Variants in UBE2V2 observed in about 807,000 individuals in gnomAD.
UBE2V2 encodes the protein ubiquitin-conjugating enzyme E2 variant 2.
A neutral mutation model predicts 17.2 loss-of-function variants in UBE2V2; 9 were observed. The observed-to-expected ratio is 0.52, with a 90% CI of 0.32 to 0.91. UBE2V2 has a LOEUF of 0.91. Ranked by LOEUF, UBE2V2 falls within the 40% of genes least tolerant of loss-of-function variation. The pLI, the probability that UBE2V2 is intolerant of heterozygous loss-of-function variation, is 0.04. For synonymous variants in UBE2V2, 61 were observed against 57.5 expected (o/e 1.06, Z -0.28); for missense variants, 133 against 182.6 (o/e 0.73, Z 1.56).
intron 3 of UBE2V2, among the ~76,000 whole-genome samples, chr8:48,060,149 GCA>G (rs1480056827): frequency 1.4e-5 from 2 of 145,054 alleles, no homozygotes; most frequent in African/African-American, 5.2e-5. Context: ...GGCGGAAGTT[GCA>G]GTGAGCCAGG....
At chr8:48,020,463 T>C (rs2091297493) in intron 1 of UBE2V2, among the ~76,000 whole-genome samples, 1 of 152,210 alleles carries the variant, frequency 6.6e-6, no homozygotes, top group African/African-American at 2.4e-5. Flanking sequence ...AGTCACTCTA[T>C]GTCTTGATTA....
chr8:48,039,019 C>T (rs922090509), intron 1 of UBE2V2, among the ~76,000 whole-genome samples: 1 of 150,818 alleles, frequency 6.6e-6, no homozygotes, highest in Non-Finnish European at 1.5e-5. Context: ...ACCTCTGCCT[C>T]TTGGGTTCAT....
chr8:48,010,614 G>A (rs897898814), intron 1 of UBE2V2, among the ~76,000 whole-genome samples: 5 of 150,532 alleles, frequency 3.3e-5, no homozygotes, highest in African/African-American at 1.2e-4. Flanking sequence ...TATTGGCCAG[G>A]ATGGTCTTGA....
intron 1 of UBE2V2, among the ~76,000 whole-genome samples, chr8:48,028,617 C>T (rs148613325): frequency 0.01 from 1,549 of 151,378 alleles, 30 homozygotes; most frequent in African/African-American, 0.035. Flanking sequence ...GAATTACAGG[C>T]GTGAGCCACT....
intron 2 of UBE2V2, 182 bp downstream of exon 2, chr8:48,043,363 G>T (rs888255499): frequency 1.5e-5 from 7 of 461,540 alleles, no homozygotes; most frequent in Admixed American, 1.3e-4. Flanking sequence ...GTAGAGGATT[G>T]GGGGGAGGAA....
chr8:48,010,968 C>A (rs2091226393), intron 1 of UBE2V2, among the ~76,000 whole-genome samples: 1 of 145,950 alleles, frequency 6.9e-6, no homozygotes, highest in Non-Finnish European at 1.5e-5. Context: ...TGACCCCAGG[C>A]AATCCGCCCA....
chr8:48,024,543 C>T (rs1026558693), intron 1 of UBE2V2, among the ~76,000 whole-genome samples: 40 of 151,464 alleles, frequency 2.6e-4, no homozygotes, highest in African/African-American at 9.7e-4. Context: ...TGTGGTGAGC[C>T]GAGATCGCGC....
chr8:48,002,888 G>A, the UBE2V2 span, among the ~76,000 whole-genome samples: 135 of 151,882 alleles, frequency 8.9e-4, no homozygotes, highest in African/African-American at 2.7e-3. Context: ...TAATGTATAC[G>A]TATTTCAAAA....
At chr8:48,045,129 C>T in intron 2 of UBE2V2, among the ~76,000 whole-genome samples, 1 of 152,198 alleles carries the variant, frequency 6.6e-6, no homozygotes, top group Non-Finnish European at 1.5e-5. Flanking sequence ...TACTGTGGTC[C>T]TCCATTCCCT....
intron 3 of UBE2V2, among the ~76,000 whole-genome samples, chr8:48,054,820 A>G (rs535792364): frequency 6.6e-6 from 1 of 152,250 alleles, no homozygotes; most frequent in South Asian, 2.1e-4. Flanking sequence ...AGGTCATTGT[A>G]TGTTGTAGAC....
chr8:48,023,335 C>T (rs1435998791), intron 1 of UBE2V2, among the ~76,000 whole-genome samples: 1 of 151,914 alleles, frequency 6.6e-6, no homozygotes, highest in Non-Finnish European at 1.5e-5. Flanking sequence ...CCTGCCTCAG[C>T]CTCCTGAGTA....
rs913518188 is a variant in UBE2V2 at position 48,063,225 on chromosome 8, T to C, written c.*2397T>C. On this transcript the variant is annotated 3_prime_UTR_variant, in exon 4 of 4. Transcript: ENST00000523111. ...ATTTCCCCTCTTGTTTGTGGGATTA[T>C]GGATCTCTGCAGAAATCTGCATGCC... is the stretch of plus-strand genomic sequence containing the variant. The C allele has an allele frequency of 1.3e-5, 2 of 152,272 alleles. No individual in the cohort carries two copies. The highest frequency in any genetic ancestry group is 4.8e-5 in the African/African-American group (2 of 41,474). 9.4% of individuals were successfully genotyped at this position (152,272 alleles called of 1,614,324 possible).
intron 1 of UBE2V2, among the ~76,000 whole-genome samples, chr8:48,039,706 T>G (rs548756689): frequency 6.6e-6 from 1 of 152,132 alleles, no homozygotes; most frequent in Non-Finnish European, 1.5e-5. Context: ...TGGTAAAGTG[T>G]TCCAACACCA....
At chr8:48,011,524 GT>G (rs1189330968) in intron 1 of UBE2V2, among the ~76,000 whole-genome samples, 1 of 152,096 alleles carries the variant, frequency 6.6e-6, no homozygotes, top group Non-Finnish European at 1.5e-5. Context: ...GATAACAGTT[GT>G]TTAAGAGGCC....
intron 3 of UBE2V2, among the ~76,000 whole-genome samples, chr8:48,053,444 G>A (rs1162641492): frequency 1.5e-5 from 2 of 131,322 alleles, no homozygotes; most frequent in African/African-American, 2.8e-5. Context: ...TTTTTTTTGA[G>A]ATGGAGTCTC....
chr8:48,060,526 A>G (rs1802577461), intron 3 of UBE2V2, among the ~76,000 whole-genome samples, 156 bp from the exon 4 acceptor site: 1 of 152,194 alleles, frequency 6.6e-6, no homozygotes, highest in East Asian at 1.9e-4. Flanking sequence ...GATAAAATAT[A>G]CTAATTATGG....
At chr8:48,053,729 T>C (rs1009158943) in intron 3 of UBE2V2, among the ~76,000 whole-genome samples, 2 of 151,678 alleles carry the variant, frequency 1.3e-5, no homozygotes, top group Non-Finnish European at 2.9e-5. Flanking sequence ...CCCAGCTAGA[T>C]TTTTTTCTTA....
chr8:48,041,456 A>G (rs574380912), intron 1 of UBE2V2, among the ~76,000 whole-genome samples: 1 of 152,082 alleles, frequency 6.6e-6, no homozygotes, highest in Non-Finnish European at 1.5e-5. Flanking sequence ...TCTCACACAC[A>G]CAAAATAACA....
At chr8:48,002,907 C>G in the UBE2V2 span, among the ~76,000 whole-genome samples, 1 of 151,210 alleles carries the variant, frequency 6.6e-6, no homozygotes, top group African/African-American at 2.4e-5. Context: ...AATATCATGT[C>G]GTTAAAAAAG....
Sources: allele counts gnomAD v4.1 joint callset (sites outside exome capture counted in the v4.1 genomes callset), GRCh38; gene constraint gnomAD v4.1.1; transcripts MANE v1.5; gene names NCBI Gene and HGNC (gene_info 2026-07-23, HGNC 2026-07-21).